The following GPC6 variants were observed in gnomAD, a reference collection of about 807,000 sequenced individuals.
GPC6 encodes the protein glypican 6.
GPC6 carries 14 observed loss-of-function variants against 55.2 expected under a neutral mutation model. That is an observed-to-expected ratio of 0.25 (90% confidence interval 0.17 to 0.40). GPC6 has a LOEUF of 0.40. GPC6 is among the 10% of genes least tolerant of loss of function. The pLI is 1.00. For missense variants in GPC6, 641 were observed against 708.5 expected (o/e 0.90, Z 1.08); for synonymous variants, 278 against 259.6 (o/e 1.07, Z -0.68).
intron 3 of GPC6, among the ~76,000 whole-genome samples, chr13:93,997,508 T>G (rs951131262): frequency 6.6e-6 from 1 of 152,010 alleles, no homozygotes; most frequent in South Asian, 2.1e-4. Flanking sequence ...GAAGACCTCC[T>G]CTCCAAACCA....
At chr13:93,732,095 A>T (rs1048027162) in intron 2 of GPC6, among the ~76,000 whole-genome samples, 1 of 152,308 alleles carries the variant, frequency 6.6e-6, no homozygotes, top group African/African-American at 2.4e-5. Flanking sequence ...TCATAGGTAG[A>T]TGCAGCTTTC....
At chr13:93,348,601 G>A (rs898154841) in intron 1 of GPC6, among the ~76,000 whole-genome samples, 1 of 152,028 alleles carries the variant, frequency 6.6e-6, no homozygotes, top group Non-Finnish European at 1.5e-5. Context: ...TTACTCTGTG[G>A]CACCCAGAAA....
At chr13:93,516,352 C>G (rs1269052006) in intron 1 of GPC6, among the ~76,000 whole-genome samples, 1 of 152,072 alleles carries the variant, frequency 6.6e-6, no homozygotes, top group Non-Finnish European at 1.5e-5. Context: ...TCGCCAAGCC[C>G]AATCTATTCA....
At chr13:93,217,416 A>G in the GPC6 span, among the ~76,000 whole-genome samples, 2 of 152,202 alleles carry the variant, frequency 1.3e-5, no homozygotes, top group Non-Finnish European at 2.9e-5. Flanking sequence ...AGTATTTTTT[A>G]TGTGTGCCCC....
chr13:94,112,646 T>A (rs896801842), intron 4 of GPC6, among the ~76,000 whole-genome samples: 15 of 152,198 alleles, frequency 9.9e-5, no homozygotes, highest in African/African-American at 3.6e-4. Context: ...TTGCTGCATA[T>A]TTTTAAGGTG....
intron 2 of GPC6, among the ~76,000 whole-genome samples, chr13:93,724,380 C>G (rs1306349295): frequency 6.6e-6 from 1 of 151,986 alleles, no homozygotes; most frequent in Non-Finnish European, 1.5e-5. Context: ...ATTTGTTGAT[C>G]ATTTCTGCTG....
chr13:93,776,466 C>A (rs1885472176), intron 2 of GPC6, among the ~76,000 whole-genome samples: 1 of 152,112 alleles, frequency 6.6e-6, no homozygotes, highest in Non-Finnish European at 1.5e-5. Context: ...TTCCACCTCA[C>A]TAAATTATCT....
intron 2 of GPC6, among the ~76,000 whole-genome samples, chr13:93,610,901 A>G (rs1274910357): frequency 6.6e-6 from 1 of 152,140 alleles, no homozygotes; most frequent in Non-Finnish European, 1.5e-5. Context: ...TATAAAATGT[A>G]TCACCACAGG....
chr13:94,039,274 G>C (rs1272516399), intron 4 of GPC6, among the ~76,000 whole-genome samples: 1 of 151,900 alleles, frequency 6.6e-6, no homozygotes, highest in African/African-American at 2.4e-5. Context: ...TTTTTATCCA[G>C]GGAATGTCAG....
At chr13:93,874,271 G>A (rs566326047) in intron 3 of GPC6, among the ~76,000 whole-genome samples, 11 of 151,772 alleles carry the variant, frequency 7.2e-5, no homozygotes, top group African/African-American at 2.7e-4. Context: ...TTATCATTTA[G>A]CTCCCACTTA....
intron 3 of GPC6, among the ~76,000 whole-genome samples, chr13:94,009,152 G>T (rs542289144): frequency 6.6e-6 from 1 of 152,112 alleles, no homozygotes; most frequent in African/African-American, 2.4e-5. Context: ...TTAATGAAAT[G>T]GTAGGATTTC....
intron 6 of GPC6, among the ~76,000 whole-genome samples, chr13:94,352,832 A>C (rs940778949): frequency 2.6e-5 from 4 of 152,210 alleles, no homozygotes; most frequent in African/African-American, 9.6e-5. Flanking sequence ...TTATGTCTTT[A>C]TTCTTCCATG....
intron 5 of GPC6, among the ~76,000 whole-genome samples, chr13:94,298,711 A>G (rs952927582): frequency 6.6e-6 from 1 of 152,258 alleles, no homozygotes; most frequent in African/African-American, 2.4e-5. Flanking sequence ...CTTTAAACAA[A>G]GTTGTCCATT....
intron 1 of GPC6, among the ~76,000 whole-genome samples, chr13:93,463,086 A>G (rs1358654731): frequency 6.6e-6 from 1 of 152,202 alleles, no homozygotes; most frequent in Non-Finnish European, 1.5e-5. Flanking sequence ...TGAAAAATAC[A>G]TTGTACCACA....
chr13:93,616,305 G>A (rs1878719565), intron 2 of GPC6, among the ~76,000 whole-genome samples: 1 of 151,998 alleles, frequency 6.6e-6, no homozygotes, highest in African/African-American at 2.4e-5. Flanking sequence ...GAGGATGTAC[G>A]AATACTTTAA....
chr13:94,086,593 G>C (rs1885290280), intron 4 of GPC6, among the ~76,000 whole-genome samples: 1 of 152,156 alleles, frequency 6.6e-6, no homozygotes, highest in Admixed American at 6.5e-5. Context: ...AAGAACAGAA[G>C]TCTTGTTCTT....
At chr13:93,891,874 T>A (rs965348177) in intron 3 of GPC6, among the ~76,000 whole-genome samples, 1 of 151,890 alleles carries the variant, frequency 6.6e-6, no homozygotes, top group African/African-American at 2.4e-5. Context: ...GTATATATAG[T>A]GTGTGTGTAT....
chr13:93,663,870 C>A (rs546234084), intron 2 of GPC6, among the ~76,000 whole-genome samples: 1 of 152,200 alleles, frequency 6.6e-6, no homozygotes, highest in East Asian at 1.9e-4. Context: ...GTAGCTGAAC[C>A]AGTTAGGCTA....
intron 2 of GPC6, among the ~76,000 whole-genome samples, chr13:93,587,930 C>T (rs890806783): frequency 6.6e-6 from 1 of 152,196 alleles, no homozygotes; most frequent in Non-Finnish European, 1.5e-5. Flanking sequence ...CAGGAGCTCT[C>T]TCCAGCCTAC....
Sources: gnomAD v4.1 joint callset for allele counts (sites outside exome capture counted in the v4.1 genomes callset) on GRCh38, gnomAD v4.1.1 for gene constraint, MANE v1.5 for transcripts, NCBI Gene and HGNC (gene_info 2026-07-23, HGNC 2026-07-21) for gene names.